ARHGAP10: variants seen among roughly 807,000 people sequenced by gnomAD.
ARHGAP10 encodes the protein rho GTPase-activating protein 10.
A neutral mutation model predicts 108.6 loss-of-function variants in ARHGAP10; 87 were observed. The ratio of observed to expected loss-of-function variants is 0.80; its 90% confidence interval spans 0.67 to 0.96. ARHGAP10 has a LOEUF of 0.96. Among genes scored for constraint, ARHGAP10 ranks in the 40% least tolerant of loss-of-function variants. The pLI is 0.00. For synonymous variants in ARHGAP10, 347 were observed against 341.1 expected, an observed-to-expected ratio of 1.02 and a Z score of -0.19; for missense variants, 939 against 954.5, an observed-to-expected ratio of 0.98 and a Z score of 0.21.
intron 1 of ARHGAP10, among the ~76,000 whole-genome samples, chr4:147,821,203 A>G (rs1045958367): frequency 2.0e-5 from 3 of 152,118 alleles, no homozygotes; most frequent in Admixed American, 1.3e-4. Context: ...GGTGTGTAAC[A>G]TTCCTTGAGG....
Position 148,063,488 on chromosome 4 carries a change from G to A in ARHGAP10, c.2180+188G>A, listed in dbSNP as rs548699424. Among the ~76,000 whole-genome samples, 6 of 152,298 alleles carry A rather than the reference G, an allele frequency of 3.9e-5. No individual in the cohort carries two copies. In the South Asian group the frequency reaches 1.0e-3, roughly 26 times the overall value. ...CCTCACCCAGTTCAGTAGCAAGGAC[G>A]TTCTTTGGAGAATTTGCCTTACATG... On this transcript the variant is annotated intron_variant, in intron 21 of 22. Transcript: ENST00000336498.
chr4:147,871,322 G>T (rs1734815280), intron 7 of ARHGAP10, among the ~76,000 whole-genome samples: 1 of 152,046 alleles, frequency 6.6e-6, no homozygotes, highest in Non-Finnish European at 1.5e-5. Flanking sequence ...TTACTTGAGG[G>T]GTGGGCTTGT....
chr4:147,897,898 T>G (rs1422294907), intron 10 of ARHGAP10, among the ~76,000 whole-genome samples: 1 of 152,202 alleles, frequency 6.6e-6, no homozygotes, highest in African/African-American at 2.4e-5. Context: ...AGAGTCTCGC[T>G]CTGTTGCCCA....
At chr4:148,054,540 C>T (rs1035888420) in intron 20 of ARHGAP10, among the ~76,000 whole-genome samples, 2 of 152,242 alleles carry the variant, frequency 1.3e-5, no homozygotes, top group African/African-American at 4.8e-5. Flanking sequence ...GTTACATAAT[C>T]TCCTCACTGA....
intron 14 of ARHGAP10, among the ~76,000 whole-genome samples, chr4:147,943,294 C>T (rs1303238135): frequency 2.0e-5 from 3 of 152,190 alleles, no homozygotes; most frequent in African/African-American, 7.2e-5. Context: ...TATTTTCACA[C>T]ATAAAACCAC....
At chr4:148,006,571 A>T (rs1389759202) in intron 18 of ARHGAP10, among the ~76,000 whole-genome samples, 1 of 152,200 alleles carries the variant, frequency 6.6e-6, no homozygotes, top group Non-Finnish European at 1.5e-5. Context: ...TACAGAAGCT[A>T]TGTCCCACAG....
chr4:147,840,568 A>G (rs1358475938), intron 3 of ARHGAP10, among the ~76,000 whole-genome samples: 1 of 152,216 alleles, frequency 6.6e-6, no homozygotes, highest in Non-Finnish European at 1.5e-5. Context: ...GTTTGGATTC[A>G]GGCGGTATGT....
chr4:147,951,810 C>T (rs1738611946), intron 15 of ARHGAP10, among the ~76,000 whole-genome samples: 1 of 151,986 alleles, frequency 6.6e-6, no homozygotes, highest in African/African-American at 2.4e-5. Flanking sequence ...ATACAATAAG[C>T]TGCATATATT....
At chr4:147,994,240 C>T (rs1377265102) in intron 18 of ARHGAP10, among the ~76,000 whole-genome samples, 1 of 152,150 alleles carries the variant, frequency 6.6e-6, no homozygotes, top group Non-Finnish European at 1.5e-5. Context: ...CACAAAAGTG[C>T]TTATGTATGT....
In ARHGAP10 at chr4:147,733,275, G is replaced by A. The variant is rs557982869; in HGVS notation, c.154+820G>A. The stretch of plus-strand genomic sequence containing the variant: ...GTAGTTGAGGAGAGTCTTTCTAGGA[G>A]AGAAGGGGCCAAAATTCATGCAGAA... On this transcript the variant is annotated intron_variant, in intron 1 of 22. Transcript: ENST00000336498. Among the ~76,000 whole-genome samples, 18 of 152,304 alleles carry A rather than the reference G, an allele frequency of 1.2e-4. No individual in the cohort carries two copies. In the South Asian group the frequency reaches 3.7e-3, roughly 32 times the overall value.
chr4:147,930,257 G>A (rs1440445000), intron 13 of ARHGAP10, among the ~76,000 whole-genome samples: 1 of 152,078 alleles, frequency 6.6e-6, no homozygotes, highest in African/African-American at 2.4e-5. Context: ...ACCATCAAAG[G>A]TGTTTATCTT....
chr4:147,784,243 C>G (rs1465937354), intron 1 of ARHGAP10, among the ~76,000 whole-genome samples: 2 of 109,410 alleles, frequency 1.8e-5, no homozygotes, highest in African/African-American at 7.1e-5. Flanking sequence ...ATATAATTTA[C>G]ATAACATTAA....
At chr4:147,993,711 A>G (rs941650950) in intron 18 of ARHGAP10, among the ~76,000 whole-genome samples, 1 of 152,232 alleles carries the variant, frequency 6.6e-6, no homozygotes, top group Admixed American at 6.5e-5. Context: ...TGTACTAAGC[A>G]TTTATTTGTG....
At chr4:147,839,114 A>ATCTGTCTG (rs1461942726) in intron 3 of ARHGAP10, among the ~76,000 whole-genome samples, 51 of 145,094 alleles carry the variant, frequency 3.5e-4, no homozygotes, top group African/African-American at 9.5e-4. Context: ...CTATCTATCT[A>ATCTGTCTG]TCTATCTATC....
intron 18 of ARHGAP10, among the ~76,000 whole-genome samples, chr4:147,976,800 A>G (rs1037079166): frequency 2.0e-5 from 3 of 152,106 alleles, no homozygotes; most frequent in African/African-American, 7.2e-5. Context: ...CAAATTTAGG[A>G]GAGAGTCATT....
At chr4:147,985,346 TG>T (rs1739997524) in intron 18 of ARHGAP10, among the ~76,000 whole-genome samples, 1 of 152,226 alleles carries the variant, frequency 6.6e-6, no homozygotes, top group Admixed American at 6.5e-5. Context: ...GAAATCTGCC[TG>T]GGGGTGGAGT....
chr4:147,806,100 C>T (rs1731773170), intron 1 of ARHGAP10, among the ~76,000 whole-genome samples: 1 of 152,220 alleles, frequency 6.6e-6, no homozygotes, highest in African/African-American at 2.4e-5. Flanking sequence ...AACTACCATG[C>T]ACACATACTG....
intron 4 of ARHGAP10, among the ~76,000 whole-genome samples, chr4:147,848,713 C>T (rs1184825093): frequency 4.6e-5 from 7 of 152,114 alleles, no homozygotes; most frequent in South Asian, 2.1e-4. Context: ...AAATTGAGTG[C>T]GAGTGAATAT....
chr4:147,992,223 G>A (rs1740303278), intron 18 of ARHGAP10, among the ~76,000 whole-genome samples: 1 of 152,060 alleles, frequency 6.6e-6, no homozygotes, highest in Admixed American at 6.5e-5. Flanking sequence ...AAGCCTGATT[G>A]CATGCTGTCG....
Sources: gnomAD v4.1 joint callset for allele counts (sites outside exome capture counted in the v4.1 genomes callset) on GRCh38, gnomAD v4.1.1 for gene constraint, MANE v1.5 for transcripts, NCBI Gene and HGNC (gene_info 2026-07-23, HGNC 2026-07-21) for gene names.